The following CLYBL variants were observed in gnomAD, a reference collection of about 807,000 sequenced individuals.
The protein encoded by CLYBL is citramalyl-CoA lyase.
In CLYBL, 31 loss-of-function variants were observed where a neutral mutation model predicts 38.9. The observed-to-expected ratio is 0.80, with a 90% confidence interval of 0.60 to 1.08. CLYBL has a LOEUF of 1.08. CLYBL is among the 50% of genes least tolerant of loss of function. The probability of loss-of-function intolerance (pLI) is 0.00; values close to 1 mark genes in which losing one functional copy is unlikely to be tolerated. For missense variants in CLYBL, 434 were observed against 411.6 expected (o/e 1.05, Z -0.47); for synonymous variants, 171 against 158.6 (o/e 1.08, Z -0.59).
rs147504440 is a variant in CLYBL, at chr13:99,905,369, C to A, written c.*124C>A. On this transcript the variant is annotated 3_prime_UTR_variant and NMD_transcript_variant, in exon 9 of 10. Coordinates refer to the CLYBL transcript ENST00000689673. ...CAAATCCGTCCATTGATCTGCCCTC[C>A]AGCACACATTTACTGAGCTTCTGTT... 4.7e-3 allele frequency among the ~76,000 whole-genome samples: 716 copies of A among 152,336 alleles called. 5 individuals are homozygous for A. The highest frequency in any genetic ancestry group is 0.027 in the Middle Eastern group (8 of 294).
intron 2 of CLYBL, among the ~76,000 whole-genome samples, chr13:99,781,551 C>T (rs1301636975): frequency 6.6e-6 from 1 of 152,206 alleles, no homozygotes; most frequent in Non-Finnish European, 1.5e-5. Context: ...TCTGGGCTCA[C>T]TGTAACCTCT....
intron 7 of CLYBL, chr13:99,877,571 C>T (rs1331601563): frequency 2.7e-3 from 577 of 214,718 alleles, no homozygotes; most frequent in Middle Eastern, 4.0e-3. Flanking sequence ...TTTTGTAATT[C>T]TTTTTTTTTT....
At chr13:99,883,643 C>G (rs2052274359) in intron 7 of CLYBL, among the ~76,000 whole-genome samples, 1 of 152,128 alleles carries the variant, frequency 6.6e-6, no homozygotes, top group African/African-American at 2.4e-5. Flanking sequence ...GAGCCATAGA[C>G]AGAGCCACAG....
chr13:99,636,459 G>A (rs2047019460), intron 1 of CLYBL, among the ~76,000 whole-genome samples: 1 of 152,164 alleles, frequency 6.6e-6, no homozygotes, highest in African/African-American at 2.4e-5. Flanking sequence ...CATCTGGGCT[G>A]GGCAGGGCCT....
chr13:99,778,897 T>C (rs969015645), intron 2 of CLYBL, among the ~76,000 whole-genome samples: 1 of 152,222 alleles, frequency 6.6e-6, no homozygotes, highest in African/African-American at 2.4e-5. Flanking sequence ...ATTCTTTAAA[T>C]TTATTTACTA....
At chr13:99,837,043 T>TA (rs34500560) in intron 2 of CLYBL, among the ~76,000 whole-genome samples, 2,513 of 147,990 alleles carry the variant, frequency 0.017, 63 homozygotes, top group East Asian at 0.071. Flanking sequence ...GTATAATAAT[T>TA]AAAAAAAAAA....
At chr13:99,618,231 TTTTC>T (rs1051382194) in intron 1 of CLYBL, among the ~76,000 whole-genome samples, 2 of 152,208 alleles carry the variant, frequency 1.3e-5, no homozygotes, top group African/African-American at 4.8e-5. Context: ...AGTGGATTTT[TTTTC>T]TTTATTTTGG....
At chr13:99,819,436 A>AT (rs2050534094) in intron 2 of CLYBL, among the ~76,000 whole-genome samples, 1 of 76,818 alleles carries the variant, frequency 1.3e-5, no homozygotes, top group Non-Finnish European at 2.6e-5. Context: ...ATATATATAT[A>AT]TATATATATA....
chr13:99,691,391 T>C (rs749370656), intron 1 of CLYBL, among the ~76,000 whole-genome samples: 1 of 152,006 alleles, frequency 6.6e-6, no homozygotes, highest in Non-Finnish European at 1.5e-5. Flanking sequence ...CTCTAAAAAT[T>C]TGGGGGGGAA....
intron 2 of CLYBL, among the ~76,000 whole-genome samples, chr13:99,786,602 G>A (rs1262733125): frequency 1.3e-5 from 2 of 152,080 alleles, no homozygotes; most frequent in African/African-American, 2.4e-5. Context: ...AATCCAGTCT[G>A]TCATTGATGG....
intron 1 of CLYBL, among the ~76,000 whole-genome samples, chr13:99,647,151 A>G (rs1315759596): frequency 1.3e-5 from 2 of 152,230 alleles, no homozygotes; most frequent in African/African-American, 4.8e-5. Context: ...TGAAAGGCTT[A>G]TAAGAAAGAT....
chr13:99,765,043 TTC>T (rs1327320077), intron 1 of CLYBL, among the ~76,000 whole-genome samples: 1 of 151,902 alleles, frequency 6.6e-6, no homozygotes. Flanking sequence ...TGTTTTTCTT[TTC>T]TTTTTTTTTT....
At chr13:99,669,768 G>A (rs2047537571) in intron 1 of CLYBL, among the ~76,000 whole-genome samples, 1 of 152,072 alleles carries the variant, frequency 6.6e-6, no homozygotes, top group Admixed American at 6.5e-5. Flanking sequence ...TTAGTGACAG[G>A]GTTCCTAGAA....
intron 1 of CLYBL, among the ~76,000 whole-genome samples, chr13:99,739,896 G>A (rs958802879): frequency 6.6e-6 from 1 of 152,082 alleles, no homozygotes; most frequent in Non-Finnish European, 1.5e-5. Flanking sequence ...GCTTGAACCC[G>A]GGAGGCGGAG....
intron 2 of CLYBL, among the ~76,000 whole-genome samples, chr13:99,817,663 AAAAAAAAAAAG>A (rs1380071525): frequency 6.7e-6 from 1 of 149,676 alleles, no homozygotes; most frequent in Non-Finnish European, 1.5e-5. Flanking sequence ...TCAAAAAAAA[AAAAAAAAAAAG>A]AAAAGAAAAA....
intron 2 of CLYBL, among the ~76,000 whole-genome samples, chr13:99,776,677 A>G (rs1454819500): frequency 6.6e-6 from 1 of 152,116 alleles, no homozygotes; most frequent in African/African-American, 2.4e-5. Flanking sequence ...AACAAGTTTC[A>G]GGGAAATTTT....
intron 1 of CLYBL, among the ~76,000 whole-genome samples, chr13:99,736,841 G>C (rs2048676129): frequency 6.6e-6 from 1 of 152,058 alleles, no homozygotes; most frequent in Admixed American, 6.6e-5. Flanking sequence ...GCCTTCGCTG[G>C]ACCTCAACTT....
chr13:99,718,365 T>TA lies in CLYBL; in HGVS notation c.63-54451dup, dbSNP rs1432716943. On this transcript the variant is annotated intron_variant, in intron 1 of 8. Transcript: ENST00000339105. ...TGCCTGTTAACCTCCCCTGATAGATTAAAAAAAAGAAAAAAAAAAAAAAAC... is the reference window on the plus strand; with the variant it reads ...TGCCTGTTAACCTCCCCTGATAGATTAAAAAAAAAGAAAAAAAAAAAAAAAC... Among the ~76,000 whole-genome samples, 621 of 138,936 alleles carry TA rather than the reference T, an allele frequency of 4.5e-3. 3 individuals carry two copies. The highest frequency in any genetic ancestry group is 0.016 in the African/African-American group (587 of 36,124). The allele number at this position is 138,936 out of a possible 152,430, so 91.1% of individuals were successfully genotyped here.
chr13:99,879,436 C>T (rs531522691), intron 7 of CLYBL, among the ~76,000 whole-genome samples: 209 of 152,306 alleles, frequency 1.4e-3, no homozygotes, highest in African/African-American at 4.8e-3. Context: ...GCTGAAAGAA[C>T]GGTGTCCTGC....
Sources: gnomAD v4.1 joint callset for allele counts (sites outside exome capture counted in the v4.1 genomes callset) on GRCh38, gnomAD v4.1.1 for gene constraint, MANE v1.5 for transcripts, NCBI Gene and HGNC (gene_info 2026-07-23, HGNC 2026-07-21) for gene names.